Variants in WDR73 observed in about 807,000 individuals in gnomAD.
WDR73 encodes integrator complex assembly factor WDR73.
Under a neutral mutation model 38.2 loss-of-function variants are expected in WDR73, and 30 were observed. The observed-to-expected ratio is 0.79, with a 90% CI of 0.59 to 1.06. The LOEUF is 1.06. Among genes scored for constraint, WDR73 ranks in the 50% least tolerant of loss-of-function variants. WDR73 has a pLI of 0.00. For synonymous variants in WDR73, 197 were observed against 176.0 expected, an observed-to-expected ratio of 1.12 and a Z score of -0.94; for missense variants, 487 against 467.0, an observed-to-expected ratio of 1.04 and a Z score of -0.40.
At position 84,643,243 on chromosome 15, in the gene WDR73, G is replaced by A; in HGVS notation, c.*227C>T. On this transcript the variant is annotated 3_prime_UTR_variant, in exon 8 of 8. Coordinates refer to ENST00000434634, the MANE Select transcript of WDR73 (RefSeq NM_032856.5). ...TCCCAGATCTAACAATAGCTACCAA[G>A]TAATTATGCCATGCGTTTCTTCTAA... The A allele has an allele frequency of 1.8e-6, 1 of 568,440 alleles. No individual in the cohort carries two copies. Among genetic ancestry groups the A allele is most frequent in the Non-Finnish European group, 3.1e-6 (1 of 322,378 alleles). The allele number at this position is 568,440 out of a possible 1,614,324, so 35.2% of individuals were successfully genotyped here. A position where few individuals can be genotyped will look rare whatever the true frequency, so the allele number is the denominator to read the frequency against.
rs1019132041 is a variant in WDR73, at chr15:84,640,703, A to AAAT, written c.*2764_*2766dup. 1 of 152,230 alleles carries AAAT rather than the reference A, an allele frequency of 6.6e-6. No homozygotes were observed. Among genetic ancestry groups the AAAT allele is most frequent in the Non-Finnish European group, 1.5e-5 (1 of 68,046 alleles). The allele number at this position is 152,230 out of a possible 1,614,324, so 9.4% of individuals were successfully genotyped here. The stretch of plus-strand genomic sequence containing the variant: ...AGAGTGAGACCCAGACTCAGCTGAA[A>AAAT]AATAATAATATTATTAAAAGAATTT... On this transcript the variant is annotated 3_prime_UTR_variant, in exon 8 of 8. Transcript: ENST00000434634.
In WDR73 at chr15:84,646,343, T is replaced by C. The variant is rs1400795274; in HGVS notation, c.358A>G (p.Ile120Val). 1 of 1,611,492 alleles carries C rather than the reference T, an allele frequency of 6.2e-7. No homozygotes were observed. Among genetic ancestry groups the C allele is most frequent in the Non-Finnish European group, 8.5e-7 (1 of 1,178,016 alleles). The change falls in exon 6 of 8, where the codon ATT becomes GTT. Residue 120 changes from isoleucine (I) to valine (V), a missense_variant. Transcript: ENST00000434634. The part of the protein sequence containing the change: ...VWQVAEDSDV[I>V]KAVSTIAVHE... ...ACAGCAATGGTGCTGACAGCTTTAA[T>C]GACATCTAGGGGAAAACGAAGAGGC...
At chr15:84,649,237 TCTA>T (rs1161370761) in intron 3 of WDR73, among the ~76,000 whole-genome samples, 1 of 152,188 alleles carries the variant, frequency 6.6e-6, no homozygotes, top group Non-Finnish European at 1.5e-5. Flanking sequence ...GCCACTAGGC[TCTA>T]CTATCTCCAT....
In WDR73 at chr15:84,645,302, G is replaced by A. The variant is rs1315500555; in HGVS notation, c.883+169C>T. On this transcript the variant is annotated intron_variant, in intron 7 of 7. Coordinates refer to ENST00000434634, the MANE Select transcript of WDR73 (RefSeq NM_032856.5). ...AATGTGTGGAAGTTTAGTAGCCAGG[G>A]TAGGAAAAGGCCTGCCACTGAAGAA... 3 of 1,509,970 alleles carry A rather than the reference G, an allele frequency of 2.0e-6. No individual in the cohort carries two copies. In the East Asian group the frequency reaches 7.5e-5, roughly 38 times the overall value. 93.5% of individuals were successfully genotyped at this position (1,509,970 alleles called of 1,614,324 possible).
At chr15:84,648,374 G>T in intron 4 of WDR73, 163 bp downstream of exon 4, 1 of 616,344 alleles carries the variant, frequency 1.6e-6, no homozygotes, top group Non-Finnish European at 2.9e-6. Flanking sequence ...TGGTTTCTTT[G>T]TATTCTAAAT....
chr15:84,654,101 C>T, intron 1 of WDR73, 133 bp downstream of exon 1: 1 of 1,229,304 alleles, frequency 8.1e-7, no homozygotes, highest in Non-Finnish European at 1.2e-6. Context: ...GCGGAGTCCT[C>T]CACGGTGGCG....
chr15:84,641,323 G>C lies in WDR73; in HGVS notation c.*2147C>G, dbSNP rs3748373. On this transcript the variant is annotated 3_prime_UTR_variant, in exon 8 of 8. Transcript: ENST00000434634. ...AAGTCAGCCCTGGGATTCTAAACTCGGACAAGCCAGCACTGGTTAAGGGCT... is the reference window on the plus strand; with the variant it reads ...AAGTCAGCCCTGGGATTCTAAACTCCGACAAGCCAGCACTGGTTAAGGGCT... The C allele has an allele frequency of 6.6e-6, 1 of 152,074 alleles. No homozygotes were observed. The highest frequency in any genetic ancestry group is 2.4e-5 in the African/African-American group (1 of 41,430). The allele number at this position is 152,074 out of a possible 1,614,324, so 9.4% of individuals were successfully genotyped here. A position where few individuals can be genotyped will look rare whatever the true frequency, so the allele number is the denominator to read the frequency against.
At position 84,648,744 on chromosome 15, in the gene WDR73, G is replaced by A. The variant is rs1026707081; in HGVS notation, c.199-119C>T. On this transcript the variant is annotated intron_variant, in intron 3 of 7. Coordinates refer to ENST00000434634, the MANE Select transcript of WDR73 (RefSeq NM_032856.5). Reference sequence around the variant, plus strand: ...AGGCCATGGAAGCCACTCAGCTGGTGAAAGGGCGTTGGTGTCCTGGTATTT... The same window carrying A: ...AGGCCATGGAAGCCACTCAGCTGGTAAAAGGGCGTTGGTGTCCTGGTATTT... The A allele has an allele frequency of 6.5e-5, 49 of 756,280 alleles. No homozygotes were observed. The Admixed American group carries it at 9.8e-4, about 15-fold the overall frequency. 46.8% of individuals were successfully genotyped at this position (756,280 alleles called of 1,614,324 possible).
In WDR73 at chr15:84,652,821, G is replaced by T; in HGVS notation, c.110-19C>A. 2.0e-6 allele frequency: 3 copies of T among 1,463,454 alleles called. No homozygotes were observed. Among genetic ancestry groups the T allele is most frequent in the Non-Finnish European group, 2.8e-6 (3 of 1,089,128 alleles). The allele number at this position is 1,463,454 out of a possible 1,614,324, so 90.7% of individuals were successfully genotyped here. ...AAGACTCCTGGAAAAAGAAGCAGAGGTAGCTGTCACAAATTGTTAGAAAGA... is the reference window on the plus strand; with the variant it reads ...AAGACTCCTGGAAAAAGAAGCAGAGTTAGCTGTCACAAATTGTTAGAAAGA... On this transcript the variant is annotated intron_variant, in intron 2 of 7. Coordinates refer to ENST00000434634, the MANE Select transcript of WDR73 (RefSeq NM_032856.5).
chr15:84,646,174 A>AC lies in WDR73; in HGVS notation c.517+9dup, dbSNP rs1391276244. On this transcript the variant is annotated intron_variant, in intron 6 of 7. Transcript: ENST00000434634. ...TGGAGCAGCAAGCAAGGGACAAAGTACCACGGTACCTGAGGTGTACGTGGT... is the reference window on the plus strand; with the variant it reads ...TGGAGCAGCAAGCAAGGGACAAAGTACCCACGGTACCTGAGGTGTACGTGGT... 1.9e-6 allele frequency: 3 copies of AC among 1,613,388 alleles called. No individual in the cohort carries two copies. The highest frequency in any genetic ancestry group is 2.5e-6 in the Non-Finnish European group (3 of 1,179,888).
intron 4 of WDR73, 138 bp from the exon 5 acceptor site, chr15:84,648,092 C>A: frequency 1.3e-6 from 1 of 750,298 alleles, no homozygotes; most frequent in Non-Finnish European, 2.3e-6. Flanking sequence ...AGGCCAACCA[C>A]CCTCATTTCA....
intron 1 of WDR73, 32 bp from the exon 2 acceptor site, chr15:84,653,731 C>A: frequency 6.7e-7 from 1 of 1,501,298 alleles, no homozygotes; most frequent in Non-Finnish European, 9.1e-7. Context: ...TCACACGATG[C>A]ACAGCACTTC....
rs1896210811 is a variant in WDR73 at position 84,640,008 on chromosome 15, G to A, written c.*3462C>T. ...TGGGGCACTTTCTAACACCTTTGAT[G>A]CCTTAGAGGTGGTAGGAGGCCTTCT... On this transcript the variant is annotated 3_prime_UTR_variant, in exon 8 of 8. Coordinates refer to ENST00000434634, the MANE Select transcript of WDR73 (RefSeq NM_032856.5). The A allele has an allele frequency of 6.6e-6, 1 of 152,198 alleles. No homozygotes were observed. The highest frequency in any genetic ancestry group is 1.5e-5 in the Non-Finnish European group (1 of 68,048). The allele number at this position is 152,198 out of a possible 1,614,324, so 9.4% of individuals were successfully genotyped here.
chr15:84,645,467 G>C lies in WDR73; in HGVS notation c.883+4C>G. On this transcript the variant is annotated splice_donor_region_variant and intron_variant, in intron 7 of 7. Coordinates refer to ENST00000434634, the MANE Select transcript of WDR73 (RefSeq NM_032856.5). Reference sequence around the variant, plus strand: ...TAACAAGACGAAATCCTGCTCGGCAGTACCTGAGATGGCCAAGCAATTCTT... The same window carrying C: ...TAACAAGACGAAATCCTGCTCGGCACTACCTGAGATGGCCAAGCAATTCTT... The C allele has an allele frequency of 1.2e-6, 2 of 1,611,716 alleles. No homozygotes were observed. Among genetic ancestry groups the C allele is most frequent in the Non-Finnish European group, 1.7e-6 (2 of 1,178,666 alleles).
Position 84,643,692 on chromosome 15 carries a change from G to T in WDR73, c.915C>A (p.Ala305=), listed in dbSNP as rs768449745. The change falls in exon 8 of 8, where the codon GCC becomes GCA. Residue 305 remains alanine (A), a synonymous_variant. Coordinates refer to ENST00000434634, the MANE Select transcript of WDR73 (RefSeq NM_032856.5). ...GGCTCCGTGTTCCATCCCAAGATGT[G>T]GCATCATAGACCTGGACTGTACCAT... is the stretch of plus-strand genomic sequence containing the variant. ...GFDGTVQVYD[A]TSWDGTRSQD... is the part of the protein sequence containing the mutation. The T allele has an allele frequency of 1.2e-6, 2 of 1,612,942 alleles. No individual in the cohort carries two copies. The highest frequency in any genetic ancestry group is 3.3e-5 in the Admixed American group (2 of 59,930).
At chr15:84,647,829 C>A (rs1896509422) in intron 5 of WDR73, 61 bp downstream of exon 5, 1 of 1,512,492 alleles carries the variant, frequency 6.6e-7, no homozygotes, top group Non-Finnish European at 9.2e-7. Flanking sequence ...GATTAGGGGA[C>A]AGGGGTGTAT....
In WDR73 at chr15:84,641,129, G is replaced by T. The variant is rs1896244942; in HGVS notation, c.*2341C>A. On this transcript the variant is annotated 3_prime_UTR_variant, in exon 8 of 8. Transcript: ENST00000434634. Reference sequence around the variant, plus strand: ...CAGAAAGTGAATTTCAGAACTCCATGTCCCCTCCTGCTTTTCTCTGAGCAG... The same window carrying T: ...CAGAAAGTGAATTTCAGAACTCCATTTCCCCTCCTGCTTTTCTCTGAGCAG... 6.6e-6 allele frequency: 1 copy of T among 150,766 alleles called. No individual in the cohort carries two copies. Among genetic ancestry groups the T allele is most frequent in the Admixed American group, 6.6e-5 (1 of 15,246 alleles). The allele number at this position is 150,766 out of a possible 1,614,324, so 9.3% of individuals were successfully genotyped here.
chr15:84,645,577 G>A lies in WDR73; in HGVS notation c.777C>T (p.Cys259=), dbSNP rs2141836592. ...GGCACTGGACTGAGCTCACAGGATG[G>A]CAGAGATCCCGGGGGTCAAGAAGAC... ...RLCLLDPRDL[C]HPVSSVQCPV... Residue 259 remains cysteine, a synonymous_variant, in exon 7 of 8, where the codon TGC becomes TGT. Coordinates refer to ENST00000434634, the MANE Select transcript of WDR73 (RefSeq NM_032856.5). The A allele has an allele frequency of 6.2e-7, 1 of 1,611,620 alleles. No homozygotes were observed. The highest frequency in any genetic ancestry group is 1.3e-5 in the African/African-American group (1 of 75,000).
At position 84,641,505 on chromosome 15, in the gene WDR73, T is replaced by G. The variant is rs1432965307; in HGVS notation, c.*1965A>C. The G allele has an allele frequency of 1.3e-5, 2 of 152,200 alleles. No homozygotes were observed. The highest frequency in any genetic ancestry group is 4.8e-5 in the African/African-American group (2 of 41,448). 9.4% of individuals were successfully genotyped at this position (152,200 alleles called of 1,614,324 possible). The stretch of plus-strand genomic sequence containing the variant: ...GGTATAACTGAATTATGAGTGTTTA[T>G]GATTTTATCTTTATTTTATTTTTTT... On this transcript the variant is annotated 3_prime_UTR_variant, in exon 8 of 8. Coordinates refer to ENST00000434634, the MANE Select transcript of WDR73 (RefSeq NM_032856.5).
Sources: gnomAD v4.1 joint callset for allele counts (sites outside exome capture counted in the v4.1 genomes callset) on GRCh38, gnomAD v4.1.1 for gene constraint, MANE v1.5 for transcripts, NCBI Gene and HGNC (gene_info 2026-07-23, HGNC 2026-07-21) for gene names.